MED12L: variants seen among roughly 807,000 people sequenced by gnomAD.
The protein encoded by MED12L is mediator complex subunit 12L.
MED12L carries 60 observed loss-of-function variants against 281.3 expected under a neutral mutation model. That is an observed-to-expected ratio of 0.21 (90% CI 0.17 to 0.26). MED12L has a LOEUF of 0.26. Ranked by LOEUF, MED12L falls within the 10% of genes least tolerant of loss-of-function variation. The pLI, the probability that MED12L is intolerant of heterozygous loss-of-function variation, is 1.00. For synonymous variants in MED12L, 974 were observed against 987.2 expected (o/e 0.99, Z 0.25); for missense variants, 2,146 against 2,680.9 (o/e 0.80, Z 4.41).
At chr3:151,245,541 C>T (rs1735232576) in intron 16 of MED12L, among the ~76,000 whole-genome samples, 1 of 149,122 alleles carries the variant, frequency 6.7e-6, no homozygotes, top group African/African-American at 2.5e-5. Flanking sequence ...TCAATAGATG[C>T]AGAAAAGGCC....
At chr3:151,424,853 C>T (rs1718701405) in intron 43 of MED12L, among the ~76,000 whole-genome samples, 1 of 152,060 alleles carries the variant, frequency 6.6e-6, no homozygotes, top group African/African-American at 2.4e-5. Context: ...CTTCATTCGT[C>T]GGAGCAATCT....
At chr3:151,391,112 A>C (rs1714180683) in intron 38 of MED12L, among the ~76,000 whole-genome samples, 1 of 152,206 alleles carries the variant, frequency 6.6e-6, no homozygotes, top group Non-Finnish European at 1.5e-5. Flanking sequence ...CCAGTTTTGG[A>C]TGCTAGGATA....
intron 20 of MED12L, among the ~76,000 whole-genome samples, chr3:151,359,184 C>T (rs1287572662): frequency 2.0e-5 from 3 of 152,068 alleles, no homozygotes; most frequent in African/African-American, 7.2e-5. Context: ...ATGTGCTTGG[C>T]TTTCTGTTTC....
At chr3:151,293,404 A>G (rs552186534) in intron 16 of MED12L, among the ~76,000 whole-genome samples, 33 of 152,162 alleles carry the variant, frequency 2.2e-4, no homozygotes, top group Non-Finnish European at 4.1e-4. Context: ...CTGGAGGGCA[A>G]TCTCTTACCC....
intron 15 of MED12L, 94 bp from the exon 16 acceptor site, chr3:151,193,396 A>G: frequency 1.1e-6 from 1 of 890,308 alleles, no homozygotes; most frequent in South Asian, 1.7e-5. Flanking sequence ...AAAGGTGTAT[A>G]AGTGTCTTAT....
At chr3:151,329,131 C>G in intron 16 of MED12L, 1 of 677,788 alleles carries the variant, frequency 1.5e-6, no homozygotes. Flanking sequence ...TTATCCAACA[C>G]TTTCAATAGA....
intron 5 of MED12L, among the ~76,000 whole-genome samples, chr3:151,134,082 C>T (rs577874795): frequency 2.0e-4 from 30 of 152,194 alleles, no homozygotes; most frequent in African/African-American, 6.7e-4. Flanking sequence ...GTGCTAACTG[C>T]ATTTCAAGGT....
At chr3:151,425,636 A>G (rs1323341292) in intron 43 of MED12L, 6 of 456,404 alleles carry the variant, frequency 1.3e-5, no homozygotes, top group Non-Finnish European at 2.6e-5. Context: ...TGGTTATACC[A>G]TGTTGATTAG....
At chr3:151,263,294 C>T (rs912919789) in intron 16 of MED12L, among the ~76,000 whole-genome samples, 1 of 152,126 alleles carries the variant, frequency 6.6e-6, no homozygotes, top group African/African-American at 2.4e-5. Context: ...GCTGAGTGGA[C>T]CTCCCCAGAG....
At chr3:151,294,340 C>T in intron 16 of MED12L, 3 of 1,614,046 alleles carry the variant, frequency 1.9e-6, no homozygotes, top group Admixed American at 1.7e-5. Flanking sequence ...TACACGCAGA[C>T]AAGAAAAGTG....
chr3:151,209,591 T>G (rs1045908366), intron 16 of MED12L, among the ~76,000 whole-genome samples: 6 of 152,166 alleles, frequency 3.9e-5, no homozygotes, highest in African/African-American at 1.4e-4. Context: ...CTCACAGTGC[T>G]GCTTACCCGA....
At chr3:151,383,917 TG>T in intron 34 of MED12L, 29 bp downstream of exon 34, 5 of 1,583,056 alleles carry the variant, frequency 3.2e-6, no homozygotes, top group Non-Finnish European at 4.3e-6. Flanking sequence ...ACATTGATTT[TG>T]CTACATGTAT....
intron 16 of MED12L, among the ~76,000 whole-genome samples, chr3:151,266,639 TGAA>T (rs1185325105): frequency 6.6e-6 from 1 of 151,966 alleles, no homozygotes; most frequent in East Asian, 1.9e-4. Context: ...TTTAAGTAAA[TGAA>T]GGAGTGGATG....
At chr3:151,297,845 AG>A (rs1234345955) in intron 16 of MED12L, among the ~76,000 whole-genome samples, 1 of 152,156 alleles carries the variant, frequency 6.6e-6, no homozygotes, top group Non-Finnish European at 1.5e-5. Flanking sequence ...ATGTCAAAAA[AG>A]GTTGTGTGTG....
chr3:151,362,244 T>C (rs1240563786), intron 21 of MED12L, among the ~76,000 whole-genome samples: 3 of 152,018 alleles, frequency 2.0e-5, no homozygotes, highest in Non-Finnish European at 4.4e-5. Flanking sequence ...AAGTGATCCT[T>C]TTAATATACG....
chr3:151,161,730 C>A (rs1282665418), intron 8 of MED12L, among the ~76,000 whole-genome samples: 1 of 152,110 alleles, frequency 6.6e-6, no homozygotes, highest in Non-Finnish European at 1.5e-5. Context: ...GATTACAGAG[C>A]AAGAAAGTGG....
chr3:151,346,699 C>G (rs1252006281), intron 16 of MED12L, among the ~76,000 whole-genome samples: 1 of 152,030 alleles, frequency 6.6e-6, no homozygotes, highest in Non-Finnish European at 1.5e-5. Flanking sequence ...CTTATTTCTC[C>G]CCTCACCATC....
chr3:151,266,530 G>A (rs368447856), intron 16 of MED12L, among the ~76,000 whole-genome samples: 9 of 152,306 alleles, frequency 5.9e-5, no homozygotes, highest in Non-Finnish European at 7.4e-5. Context: ...TAAAAATCGC[G>A]TTTCAATTTT....
intron 16 of MED12L, among the ~76,000 whole-genome samples, chr3:151,273,402 A>ATTTTTTTTT (rs531443713): frequency 5.3e-5 from 6 of 113,666 alleles, no homozygotes; most frequent in Non-Finnish European, 8.7e-5. Context: ...TAATTTTTGT[A>ATTTTTTTTT]TTTTTTTTTT....
Sources: allele counts gnomAD v4.1 joint callset (sites outside exome capture counted in the v4.1 genomes callset), GRCh38; gene constraint gnomAD v4.1.1; transcripts MANE v1.5; gene names NCBI Gene and HGNC (gene_info 2026-07-23, HGNC 2026-07-21).